The following OCM2 variants were observed in gnomAD, a reference collection of about 807,000 sequenced individuals.
OCM2 encodes oncomodulin 2.
Under a neutral mutation model 13.6 loss-of-function variants are expected in OCM2, and 6 were observed. The ratio of observed to expected loss-of-function variants is 0.44; its 90% confidence interval spans 0.24 to 0.87. The LOEUF (loss-of-function observed/expected upper bound fraction) is 0.87. Among genes scored for constraint, OCM2 ranks in the 40% least tolerant of loss-of-function variants. The pLI is 0.22. For missense variants in OCM2, 118 were observed against 136.8 expected, an observed-to-expected ratio of 0.86 and a Z score of 0.68; for synonymous variants, 40 against 50.7, an observed-to-expected ratio of 0.79 and a Z score of 0.90.
In OCM2 at chr7:97,987,085, G is replaced by A. The variant is rs577236117; in HGVS notation, c.266C>T (p.Ala89Val). 28 of 1,613,598 alleles carry A rather than the reference G, an allele frequency of 1.7e-5. No individual in the cohort carries two copies. Among genetic ancestry groups the A allele is most frequent in the South Asian group, 9.9e-5 (9 of 91,052 alleles). ...TTTCCCATCTCCATCATTATCCGCC[G>A]CAGCCATCAAGGACTTGGTTTCTGA... The change falls in exon 3 of 4, where the codon GCG becomes GTG. Residue 89 changes from alanine to valine, a missense_variant. Ala to Val is a moderately conservative substitution (Grantham distance 64, BLOSUM62 0). Transcript: ENST00000257627.
chr7:97,984,746 C>T (rs1441285432), exon 4 of OCM2: 2 of 559,820 alleles, frequency 3.6e-6, no homozygotes, highest in Non-Finnish European at 3.2e-6. Context: ...GGAAGGGGGG[C>T]TTACAGAAGT....
chr7:97,988,506 C>T (rs1584171122), exon 2 of OCM2: 1 of 1,614,140 alleles, frequency 6.2e-7, no homozygotes, highest in Non-Finnish European at 8.5e-7. Flanking sequence ...CTTGGAGAGG[C>T]CTGACGTCTG....
exon 1 of OCM2, chr7:97,990,108 C>T (rs1397894781): frequency 6.4e-7 from 1 of 1,553,366 alleles, no homozygotes; most frequent in Admixed American, 1.7e-5. Context: ...TGCTCATTTT[C>T]TACCTACTCA....
At chr7:97,985,415 T>A (rs112903253) in intron 3 of OCM2, among the ~76,000 whole-genome samples, 1 of 56,730 alleles carries the variant, frequency 1.8e-5, no homozygotes. Flanking sequence ...CCAGACTCCA[T>A]CTCAAAAAAA....
chr7:97,987,741 T>C (rs112226968), intron 2 of OCM2, among the ~76,000 whole-genome samples: 1 of 152,058 alleles, frequency 6.6e-6, no homozygotes, highest in Non-Finnish European at 1.5e-5. Flanking sequence ...GGAGTGCAGC[T>C]GCACGATCTG....
chr7:97,985,286 G>A (rs1794658645), intron 3 of OCM2, among the ~76,000 whole-genome samples: 1 of 152,048 alleles, frequency 6.6e-6, no homozygotes, highest in South Asian at 2.1e-4. Context: ...GGGCGTGGTG[G>A]CATGTGCCTG....
At position 97,988,181 on chromosome 7, in the gene OCM2, C is replaced by G. The variant is rs34166869; in HGVS notation, c.194+235G>C. ...ACTCCAGCCTGGGTGACAGTGAGGC[C>G]CTGTCTCAAAAAAAAAAAAGAATCT... is the stretch of plus-strand genomic sequence containing the variant. On this transcript the variant is annotated intron_variant, in intron 2 of 3. Coordinates refer to ENST00000257627, the Ensembl canonical transcript of OCM2. 2.7e-5 allele frequency among the ~76,000 whole-genome samples: 4 copies of G among 149,690 alleles called. No individual in the cohort carries two copies. In the East Asian group the frequency reaches 7.8e-4, roughly 29 times the overall value.
chr7:97,985,350 C>T (rs1293028929), intron 3 of OCM2, among the ~76,000 whole-genome samples: 30 of 144,106 alleles, frequency 2.1e-4, no homozygotes, highest in Non-Finnish European at 4.0e-4. Context: ...ACCTGGGAGG[C>T]GGAGGTTGCA....
chr7:97,990,194 C>T lies in OCM2; in HGVS notation c.-90G>A. 1 of 1,151,580 alleles carries T rather than the reference C, an allele frequency of 8.7e-7. No individual in the cohort carries two copies. Among genetic ancestry groups the T allele is most frequent in the Non-Finnish European group, 1.3e-6 (1 of 777,316 alleles). The allele number at this position is 1,151,580 out of a possible 1,614,324, so 71.3% of individuals were successfully genotyped here. On this transcript the variant is annotated 5_prime_UTR_variant, in exon 1 of 4. In the 5' UTR this introduces an upstream ATG that the reference lacks. Coordinates refer to ENST00000257627, the Ensembl canonical transcript of OCM2. The stretch of plus-strand genomic sequence containing the variant: ...GGGGAAACACATCTTCCCAGGCCCA[C>T]TGAAACTGTATGTGTGTCTAGATTT...
At chr7:97,988,900 C>A (rs1183909185) in intron 1 of OCM2, among the ~76,000 whole-genome samples, 1 of 151,352 alleles carries the variant, frequency 6.6e-6, no homozygotes, top group Admixed American at 6.6e-5. Context: ...TGGATTTCAA[C>A]AGGCTAAATG....
At chr7:97,987,911 G>C (rs1395568321) in intron 2 of OCM2, among the ~76,000 whole-genome samples, 2 of 152,132 alleles carry the variant, frequency 1.3e-5, no homozygotes, top group Non-Finnish European at 2.9e-5. Flanking sequence ...AATCTTTGCG[G>C]CTGGGCACGG....
chr7:97,986,833 C>T (rs1206103717), intron 3 of OCM2, among the ~76,000 whole-genome samples: 3 of 152,090 alleles, frequency 2.0e-5, no homozygotes, highest in Non-Finnish European at 4.4e-5. Flanking sequence ...ACCAGTGTGA[C>T]CAGCTTCTAT....
intron 3 of OCM2, 40 bp downstream of exon 3, chr7:97,987,007 G>A: frequency 3.1e-6 from 5 of 1,609,362 alleles, no homozygotes; most frequent in Non-Finnish European, 4.2e-6. Flanking sequence ...GATGCTTCCT[G>A]AGCTAGAGTG....
intron 3 of OCM2, among the ~76,000 whole-genome samples, chr7:97,986,813 A>G (rs1462164348): frequency 1.3e-5 from 2 of 152,188 alleles, no homozygotes. Context: ...TTTGCAGCTC[A>G]TAGACAATGA....
chr7:97,988,019 C>T (rs1467000840), intron 2 of OCM2, among the ~76,000 whole-genome samples: 2 of 151,918 alleles, frequency 1.3e-5, no homozygotes, highest in Admixed American at 1.3e-4. Flanking sequence ...GGTGAAACCC[C>T]ATCTCTACTC....
chr7:97,989,230 C>A (rs1794705461), intron 1 of OCM2, among the ~76,000 whole-genome samples: 1 of 151,824 alleles, frequency 6.6e-6, no homozygotes, highest in Non-Finnish European at 1.5e-5. Context: ...ACACCTGGCC[C>A]TTCAGTGATT....
At chr7:97,987,350 G>T (rs1267630984) in intron 2 of OCM2, among the ~76,000 whole-genome samples, 194 bp from the exon 3 acceptor site, 1 of 152,032 alleles carries the variant, frequency 6.6e-6, no homozygotes, top group Non-Finnish European at 1.5e-5. Flanking sequence ...TTGTTTGTTT[G>T]TTTGTTTATT....
chr7:97,984,813 C>T, exon 4 of OCM2: 5 of 1,219,364 alleles, frequency 4.1e-6, no homozygotes, highest in African/African-American at 1.5e-5. Context: ...CGTGACCTCG[C>T]TAAAACAATG....
chr7:97,985,809 A>G (rs966574524), intron 3 of OCM2, among the ~76,000 whole-genome samples: 2 of 152,262 alleles, frequency 1.3e-5, no homozygotes, highest in Non-Finnish European at 2.9e-5. Context: ...TAATAGTAAT[A>G]ATAACAAGGT....
Sources: gnomAD v4.1 joint callset for allele counts (sites outside exome capture counted in the v4.1 genomes callset) on GRCh38, gnomAD v4.1.1 for gene constraint, MANE v1.5 for transcripts, NCBI Gene and HGNC (gene_info 2026-07-23, HGNC 2026-07-21) for gene names.